The following LRRC4C variants were observed in gnomAD, a reference collection of about 807,000 sequenced individuals.
LRRC4C encodes leucine rich repeat containing 4C.
In LRRC4C, 5 loss-of-function variants were observed where a neutral mutation model predicts 33.6. The ratio of observed to expected loss-of-function variants is 0.15; its 90% CI spans 0.08 to 0.31. The LOEUF (loss-of-function observed/expected upper bound fraction) is 0.31. Ranked by LOEUF, LRRC4C falls within the 10% of genes least tolerant of loss-of-function variation. The probability of loss-of-function intolerance (pLI) is 1.00; values close to 1 mark genes in which losing one functional copy is unlikely to be tolerated. For missense variants in LRRC4C, 560 were observed against 796.7 expected (o/e 0.70, Z 3.58); for synonymous variants, 329 against 302.0 (o/e 1.09, Z -0.93).
chr11:40,776,288 A>G (rs1167590887), intron 2 of LRRC4C, among the ~76,000 whole-genome samples: 2 of 148,862 alleles, frequency 1.3e-5, no homozygotes, highest in African/African-American at 5.0e-5. Flanking sequence ...TTTTTTTTGA[A>G]TATTTTCAGT....
chr11:40,406,111 TA>T (rs1949954967), intron 3 of LRRC4C, among the ~76,000 whole-genome samples: 1 of 152,128 alleles, frequency 6.6e-6, no homozygotes. Context: ...TTTATTCAAA[TA>T]GCCTCTATAT....
rs139935065 is a variant in LRRC4C, at chr11:41,185,557, C to T, written c.-495-251834G>A. 2.5e-3 allele frequency among the ~76,000 whole-genome samples: 380 copies of T among 152,132 alleles called. 5 individuals are homozygous for T. Among genetic ancestry groups the T allele is most frequent in the Middle Eastern group, 0.01 (3 of 292 alleles). ...AAATATTGAATTTCATATTTCAATG[C>T]GGTCAACTGAGAGGGATTTTCCTGG... is the stretch of plus-strand genomic sequence containing the variant. On this transcript the variant is annotated intron_variant, in intron 1 of 6. Transcript: ENST00000528697.
chr11:40,770,971 T>C (rs1436600884), intron 2 of LRRC4C, among the ~76,000 whole-genome samples: 1 of 152,172 alleles, frequency 6.6e-6, no homozygotes, highest in African/African-American at 2.4e-5. Context: ...CACTGGAAGC[T>C]GTCAGTGGAT....
At chr11:40,882,204 C>T (rs959699285) in intron 2 of LRRC4C, among the ~76,000 whole-genome samples, 2 of 152,024 alleles carry the variant, frequency 1.3e-5, no homozygotes, top group African/African-American at 2.4e-5. Flanking sequence ...CTACACAACC[C>T]CACAAGTGAT....
chr11:41,281,078 C>CCCT (rs1949655425), intron 1 of LRRC4C, among the ~76,000 whole-genome samples: 1 of 83,120 alleles, frequency 1.2e-5, no homozygotes, highest in Non-Finnish European at 2.2e-5. Flanking sequence ...CTCTCTCTGT[C>CCCT]CTCTCTCTCT....
intron 2 of LRRC4C, among the ~76,000 whole-genome samples, chr11:40,842,523 CACTT>C (rs1301347982): frequency 6.6e-6 from 1 of 152,104 alleles, no homozygotes; most frequent in Admixed American, 6.6e-5. Context: ...TTACCTTACA[CACTT>C]ACTATTATTT....
chr11:41,245,018 T>G (rs1948396538), intron 1 of LRRC4C, among the ~76,000 whole-genome samples: 1 of 152,228 alleles, frequency 6.6e-6, no homozygotes, highest in African/African-American at 2.4e-5. Flanking sequence ...GGAGTCACCC[T>G]TCCTAGTTTA....
At chr11:41,113,144 A>C (rs1941938029) in intron 1 of LRRC4C, among the ~76,000 whole-genome samples, 1 of 152,070 alleles carries the variant, frequency 6.6e-6, no homozygotes. Context: ...GAGGAAGGAG[A>C]CATGGAGGTG....
chr11:40,458,576 T>C (rs1433577860), intron 3 of LRRC4C, among the ~76,000 whole-genome samples: 2 of 152,204 alleles, frequency 1.3e-5, no homozygotes, highest in Non-Finnish European at 2.9e-5. Context: ...TATTCTCTGT[T>C]CAGTTTCTCC....
chr11:40,665,653 A>G (rs2136239329), intron 2 of LRRC4C, among the ~76,000 whole-genome samples: 1 of 151,942 alleles, frequency 6.6e-6, no homozygotes, highest in Middle Eastern at 3.4e-3. Flanking sequence ...AGAAAATAGA[A>G]AGTCATTTAT....
At chr11:40,701,531 T>G (rs1021153340) in intron 2 of LRRC4C, among the ~76,000 whole-genome samples, 1 of 151,590 alleles carries the variant, frequency 6.6e-6, no homozygotes, top group Non-Finnish European at 1.5e-5. Flanking sequence ...CGTGTGGGCA[T>G]TTCCATGTCA....
At chr11:40,322,541 C>T (rs536917870) in intron 3 of LRRC4C, among the ~76,000 whole-genome samples, 37 of 152,230 alleles carry the variant, frequency 2.4e-4, no homozygotes, top group African/African-American at 7.9e-4. Context: ...ACACTGCACC[C>T]GGCCAAGAAA....
chr11:40,716,902 T>C (rs1345673549), intron 2 of LRRC4C, among the ~76,000 whole-genome samples: 1 of 152,194 alleles, frequency 6.6e-6, no homozygotes, highest in African/African-American at 2.4e-5. Flanking sequence ...GAAGCTTGGC[T>C]GTGTCTGCCA....
At chr11:41,134,642 G>A (rs76179583) in intron 1 of LRRC4C, among the ~76,000 whole-genome samples, 7,324 of 152,158 alleles carry the variant, frequency 0.048, 605 homozygotes, top group African/African-American at 0.17. Flanking sequence ...GCAGAGCTAT[G>A]CTCCTACCCA....
chr11:40,532,018 G>A (rs1215441161), intron 3 of LRRC4C, among the ~76,000 whole-genome samples: 1 of 146,120 alleles, frequency 6.8e-6, no homozygotes, highest in Non-Finnish European at 1.5e-5. Context: ...CATGCATCTT[G>A]CTAGCCTTTT....
intron 2 of LRRC4C, among the ~76,000 whole-genome samples, chr11:40,901,042 C>T (rs1956174409): frequency 6.6e-6 from 1 of 151,990 alleles, no homozygotes; most frequent in South Asian, 2.1e-4. Context: ...TGAGGACGTT[C>T]TTTGAACACA....
intron 1 of LRRC4C, among the ~76,000 whole-genome samples, chr11:41,291,802 AAGG>A (rs1385482825): frequency 2.6e-5 from 4 of 152,166 alleles, no homozygotes; most frequent in Non-Finnish European, 4.4e-5. Flanking sequence ...AGGGGAAAAG[AAGG>A]AGGAGAGAAT....
chr11:40,530,838 A>T (rs2135307914), intron 3 of LRRC4C, among the ~76,000 whole-genome samples: 1 of 152,244 alleles, frequency 6.6e-6, no homozygotes, highest in East Asian at 1.9e-4. Context: ...AAGTTTCATT[A>T]TGGGGGTAAA....
intron 2 of LRRC4C, among the ~76,000 whole-genome samples, chr11:40,893,490 T>C (rs1565176468): frequency 1.3e-5 from 2 of 152,058 alleles, no homozygotes; most frequent in Admixed American, 6.6e-5. Flanking sequence ...TCTCATGTAC[T>C]CCATAAATAT....
Sources: allele counts gnomAD v4.1 joint callset (sites outside exome capture counted in the v4.1 genomes callset), GRCh38; gene constraint gnomAD v4.1.1; transcripts MANE v1.5; gene names NCBI Gene and HGNC (gene_info 2026-07-23, HGNC 2026-07-21).